MAP4K3: variants seen among roughly 807,000 people sequenced by gnomAD.
MAP4K3 encodes mitogen-activated protein kinase kinase kinase kinase 3, also known as MAPK/ERK kinase kinase kinase 3.
MAP4K3 carries 94 observed loss-of-function variants against 143.5 expected under a neutral mutation model. That is an observed-to-expected ratio of 0.65 (90% CI 0.55 to 0.78). MAP4K3 has a LOEUF of 0.78. Ranked by LOEUF, MAP4K3 falls within the 30% of genes least tolerant of loss-of-function variation. The pLI, the probability that MAP4K3 is intolerant of heterozygous loss-of-function variation, is 0.00. For missense variants in MAP4K3, 1,077 were observed against 1,068.1 expected (o/e 1.01, Z -0.12); for synonymous variants, 416 against 347.2 (o/e 1.20, Z -2.20).
chr2:39,435,541 C>A (rs1423703453), intron 1 of MAP4K3, among the ~76,000 whole-genome samples: 1 of 152,176 alleles, frequency 6.6e-6, no homozygotes, highest in Non-Finnish European at 1.5e-5. Flanking sequence ...GCGTCTGATA[C>A]CCTAAACAGG....
At chr2:39,288,982 G>A (rs1464054013) in intron 19 of MAP4K3, among the ~76,000 whole-genome samples, 1 of 152,206 alleles carries the variant, frequency 6.6e-6, no homozygotes, top group Non-Finnish European at 1.5e-5. Flanking sequence ...AATCCGGGAG[G>A]CGTAGCTTGC....
At chr2:39,290,902 C>T (rs560964350) in intron 18 of MAP4K3, among the ~76,000 whole-genome samples, 1 of 152,000 alleles carries the variant, frequency 6.6e-6, no homozygotes, top group East Asian at 1.9e-4. Context: ...CATGGTGAAA[C>T]ACCATCTCTA....
At position 39,436,961 on chromosome 2, in the gene MAP4K3, G is replaced by A. The variant is rs747208267; in HGVS notation, c.27C>T (p.Arg9=). 1 of 1,612,590 alleles carries A rather than the reference G, an allele frequency of 6.2e-7. No homozygotes were observed. The highest frequency in any genetic ancestry group is 8.5e-7 in the Non-Finnish European group (1 of 1,179,388). Residue 9 remains arginine, a synonymous_variant, in exon 1 of 34, where the codon CGC becomes CGT. Transcript: ENST00000263881. ...GCTCGAAGTCCTCCTGCGGGTTCCG[G>A]CGGGACAAATCGAAGCCGGGGTTCA... MNPGFDLS[R]RNPQEDFELI...
intron 2 of MAP4K3, among the ~76,000 whole-genome samples, chr2:39,376,167 C>T (rs979693645): frequency 2.0e-5 from 3 of 152,152 alleles, no homozygotes; most frequent in African/African-American, 7.2e-5. Context: ...TACATTTCCA[C>T]CAGCTGTGTA....
intron 13 of MAP4K3, 111 bp downstream of exon 13, chr2:39,315,199 A>C (rs1683071789): frequency 1.5e-6 from 1 of 656,934 alleles, no homozygotes; most frequent in South Asian, 2.5e-5. Flanking sequence ...TACCTTTAAC[A>C]GTGTTTAGTA....
At chr2:39,353,541 T>C (rs1185263964) in intron 3 of MAP4K3, among the ~76,000 whole-genome samples, 2 of 152,216 alleles carry the variant, frequency 1.3e-5, no homozygotes, top group Non-Finnish European at 2.9e-5. Context: ...CTTTGGTTTC[T>C]GGGTAATTTT....
chr2:39,431,453 CA>C (rs1665286099), intron 1 of MAP4K3, among the ~76,000 whole-genome samples: 1 of 152,094 alleles, frequency 6.6e-6, no homozygotes, highest in Non-Finnish European at 1.5e-5. Flanking sequence ...TGAGGGTCCC[CA>C]AAACTGCATC....
intron 1 of MAP4K3, among the ~76,000 whole-genome samples, chr2:39,417,377 G>A (rs1315119699): frequency 2.0e-5 from 3 of 152,028 alleles, no homozygotes; most frequent in Non-Finnish European, 2.9e-5. Flanking sequence ...CTGTCACCAC[G>A]CCCGGCTAAT....
intron 28 of MAP4K3, among the ~76,000 whole-genome samples, chr2:39,262,210 T>A (rs1680598662): frequency 6.6e-6 from 1 of 152,232 alleles, no homozygotes; most frequent in African/African-American, 2.4e-5. Context: ...CAACGGGGGA[T>A]ATCCTAACAG....
intron 23 of MAP4K3, among the ~76,000 whole-genome samples, chr2:39,279,159 C>T (rs1337231798): frequency 1.3e-5 from 2 of 152,050 alleles, no homozygotes; most frequent in African/African-American, 4.8e-5. Context: ...GAAAAGTGCC[C>T]GATCTGTTTT....
Position 39,417,231 on chromosome 2 carries a change from TG to T in MAP4K3, c.96+19660del, listed in dbSNP as rs1294363602. 9.5e-4 allele frequency among the ~76,000 whole-genome samples: 141 copies of T among 148,470 alleles called. 1 individual carries two copies. Among genetic ancestry groups the T allele is most frequent in the African/African-American group, 3.0e-3 (121 of 40,074 alleles). Reference sequence around the variant, plus strand: ...GTTTCTTTTCTTTTTTTTTTTTTTTTGTGTGTGAGACAGAGTCTTGCCCTGT... The same window carrying T: ...GTTTCTTTTCTTTTTTTTTTTTTTTTTGTGTGAGACAGAGTCTTGCCCTGT... On this transcript the variant is annotated intron_variant, in intron 1 of 33. Transcript: ENST00000263881.
chr2:39,360,343 C>A (rs1230848195), intron 2 of MAP4K3, among the ~76,000 whole-genome samples: 1 of 152,244 alleles, frequency 6.6e-6, no homozygotes, highest in African/African-American at 2.4e-5. Context: ...GCATTTTGAT[C>A]AAAGCCATTC....
chr2:39,393,595 T>G (rs1369474137), intron 1 of MAP4K3, among the ~76,000 whole-genome samples: 2 of 152,188 alleles, frequency 1.3e-5, no homozygotes, highest in Admixed American at 1.3e-4. Flanking sequence ...CCAATTTTAG[T>G]ATATGTGCTC....
chr2:39,343,785 CA>C (rs1665208223), intron 3 of MAP4K3, among the ~76,000 whole-genome samples: 1 of 152,082 alleles, frequency 6.6e-6, no homozygotes, highest in Non-Finnish European at 1.5e-5. Flanking sequence ...AGACAAATGG[CA>C]ATAAATCTCA....
intron 31 of MAP4K3, among the ~76,000 whole-genome samples, chr2:39,257,414 T>A (rs1179990710): frequency 6.6e-6 from 1 of 152,182 alleles, no homozygotes; most frequent in East Asian, 1.9e-4. Flanking sequence ...AAACATAATC[T>A]GGTATACTGA....
chr2:39,275,036 C>A (rs1573082405), intron 24 of MAP4K3, among the ~76,000 whole-genome samples: 1 of 152,136 alleles, frequency 6.6e-6, no homozygotes, highest in African/African-American at 2.4e-5. Flanking sequence ...TATACTAATT[C>A]TTTACTCTTA....
intron 4 of MAP4K3, 33 bp from the exon 5 acceptor site, chr2:39,337,614 T>A: frequency 7.0e-7 from 1 of 1,425,728 alleles, no homozygotes; most frequent in Non-Finnish European, 9.9e-7. Flanking sequence ...CTCATAAAAT[T>A]AGTCAACGCA....
At chr2:39,429,437 TA>T (rs34133439) in intron 1 of MAP4K3, among the ~76,000 whole-genome samples, 2 of 152,270 alleles carry the variant, frequency 1.3e-5, no homozygotes, top group African/African-American at 4.8e-5. Flanking sequence ...GCTGTGTATA[TA>T]AAATATCACA....
intron 1 of MAP4K3, among the ~76,000 whole-genome samples, chr2:39,391,308 G>A (rs966158005): frequency 6.8e-5 from 8 of 117,680 alleles, no homozygotes; most frequent in East Asian, 5.9e-4. Flanking sequence ...GCAGTGAGCC[G>A]AGATTGTGCC....
Sources: allele counts gnomAD v4.1 joint callset (sites outside exome capture counted in the v4.1 genomes callset), GRCh38; gene constraint gnomAD v4.1.1; transcripts MANE v1.5; gene names NCBI Gene and HGNC (gene_info 2026-07-23, HGNC 2026-07-21).